The following TASP1 variants were observed in gnomAD, a reference collection of about 807,000 sequenced individuals.
TASP1 encodes the protein taspase 1.
TASP1 carries 16 observed loss-of-function variants against 56.6 expected under a neutral mutation model. The ratio of observed to expected loss-of-function variants is 0.28; its 90% confidence interval spans 0.19 to 0.43. The LOEUF (loss-of-function observed/expected upper bound fraction) is 0.43. Among genes scored for constraint, TASP1 ranks in the 20% least tolerant of loss-of-function variants. The probability of loss-of-function intolerance (pLI) is 1.00; values close to 1 mark genes in which losing one functional copy is unlikely to be tolerated. For synonymous variants in TASP1, 179 were observed against 184.2 expected, an observed-to-expected ratio of 0.97 and a Z score of 0.23; for missense variants, 393 against 511.6, an observed-to-expected ratio of 0.77 and a Z score of 2.24.
rs2048854387 is a variant in TASP1 at position 13,625,396 on chromosome 20, C to T, written c.146-144G>A. 7.3e-6 allele frequency: 4 copies of T among 549,720 alleles called. No homozygotes were observed. The South Asian group carries it at 1.2e-4, about 17-fold the overall frequency. The allele number at this position is 549,720 out of a possible 1,614,324, so 34.1% of individuals were successfully genotyped here. On this transcript the variant is annotated intron_variant, in intron 2 of 13. Transcript: ENST00000337743. ...CTGTATGGCGTTTTATGACTTCTTA[C>T]TCCAGTGTAAGCCTTTTTAATACCA... is the stretch of plus-strand genomic sequence containing the variant.
At chr20:13,572,096 G>T (rs1409206303) in intron 6 of TASP1, among the ~76,000 whole-genome samples, 1 of 152,086 alleles carries the variant, frequency 6.6e-6, no homozygotes, top group Non-Finnish European at 1.5e-5. Context: ...TTTACACATT[G>T]TATCTGTTAG....
At chr20:13,185,174 G>A in the TASP1 span, among the ~76,000 whole-genome samples, 1 of 152,042 alleles carries the variant, frequency 6.6e-6, no homozygotes, top group African/African-American at 2.4e-5. Flanking sequence ...AAAATGCAGA[G>A]TAAATCCATA....
chr20:13,512,963 C>G (rs1478717613), intron 10 of TASP1, among the ~76,000 whole-genome samples: 3 of 152,086 alleles, frequency 2.0e-5, no homozygotes, highest in Admixed American at 2.0e-4. Context: ...TGGTCTATAT[C>G]TCTGTTTTGG....
At chr20:13,336,757 T>C in the TASP1 span, among the ~76,000 whole-genome samples, 1 of 152,144 alleles carries the variant, frequency 6.6e-6, no homozygotes, top group Non-Finnish European at 1.5e-5. Context: ...GATTTTTTTT[T>C]TGTATCTCAA....
intron 10 of TASP1, among the ~76,000 whole-genome samples, chr20:13,524,843 T>G (rs1348800392): frequency 6.6e-6 from 1 of 152,166 alleles, no homozygotes; most frequent in East Asian, 1.9e-4. Context: ...TTCAGTTACG[T>G]GCCGTGTTGG....
chr20:13,536,517 T>C lies in TASP1; in HGVS notation c.676-2376A>G, dbSNP rs558701537. Among the ~76,000 whole-genome samples, 9 of 152,294 alleles carry C rather than the reference T, an allele frequency of 5.9e-5. No homozygotes were observed. In the South Asian group the frequency reaches 1.7e-3, roughly 28 times the overall value. The stretch of plus-strand genomic sequence containing the variant: ...ACAAATCTCACACAAATAAACAAAC[T>C]GTAAAATAACTTTCCTCAACAATAA... On this transcript the variant is annotated intron_variant, in intron 8 of 13. Transcript: ENST00000337743.
intron 8 of TASP1, among the ~76,000 whole-genome samples, chr20:13,546,245 G>A (rs2045805849): frequency 6.8e-6 from 1 of 146,856 alleles, no homozygotes; most frequent in Non-Finnish European, 1.5e-5. Flanking sequence ...CATGACTTCT[G>A]GTGGAAAAAA....
chr20:13,397,470 G>A (rs6079042), intron 13 of TASP1, among the ~76,000 whole-genome samples: 78,925 of 151,898 alleles, frequency 0.52, 22,568 homozygotes, highest in Non-Finnish European at 0.64. Flanking sequence ...TATGGTCAGA[G>A]AGGAAGTGGA....
intron 2 of TASP1, among the ~76,000 whole-genome samples, chr20:13,629,661 C>G (rs2049018050): frequency 1.3e-5 from 2 of 152,002 alleles, no homozygotes; most frequent in African/African-American, 4.8e-5. Context: ...GGTTTTAATA[C>G]TACCTAACCT....
the TASP1 span, among the ~76,000 whole-genome samples, chr20:13,314,339 A>G: frequency 9.9e-5 from 15 of 151,948 alleles, no homozygotes; most frequent in Admixed American, 2.0e-4. Flanking sequence ...TGATTTTTAA[A>G]CTACAGAAAA....
intron 10 of TASP1, among the ~76,000 whole-genome samples, chr20:13,507,403 C>T (rs956783594): frequency 1.3e-5 from 2 of 151,954 alleles, no homozygotes; most frequent in Non-Finnish European, 1.5e-5. Flanking sequence ...CATGGTGGCA[C>T]GTGTCCGTAG....
chr20:13,470,637 C>T (rs988435159), intron 11 of TASP1, among the ~76,000 whole-genome samples: 3 of 152,096 alleles, frequency 2.0e-5, no homozygotes, highest in African/African-American at 7.2e-5. Context: ...GATAAAAATG[C>T]AAGGTATACA....
chr20:13,463,885 T>C (rs988303656), intron 11 of TASP1, among the ~76,000 whole-genome samples: 2 of 151,822 alleles, frequency 1.3e-5, no homozygotes, highest in African/African-American at 4.8e-5. Flanking sequence ...TGTAAAGAAA[T>C]GGGAAGGCAC....
rs572463380 is a variant in TASP1 at position 13,598,522 on chromosome 20, A to T, written c.283-11152T>A. Among the ~76,000 whole-genome samples, 4 of 152,348 alleles carry T rather than the reference A, an allele frequency of 2.6e-5. No individual in the cohort carries two copies. The East Asian group carries it at 7.7e-4, about 29-fold the overall frequency. ...TGGATCCCTTCCTTACACCTTATAT[A>T]AAAATTAATTCAAGATGGATTAAAG... On this transcript the variant is annotated intron_variant, in intron 4 of 13. Coordinates refer to ENST00000337743, the MANE Select transcript of TASP1 (RefSeq NM_017714.3).
the TASP1 span, among the ~76,000 whole-genome samples, chr20:13,352,447 CAAAA>C: frequency 1.2e-5 from 1 of 85,362 alleles, no homozygotes. Context: ...AAGACTGTCT[CAAAA>C]AAAAAAAAAA....
the TASP1 span, among the ~76,000 whole-genome samples, chr20:13,240,212 C>G: frequency 6.6e-6 from 1 of 152,216 alleles, no homozygotes; most frequent in South Asian, 2.1e-4. Flanking sequence ...ACTGGAGATT[C>G]AATAGAGAAC....
chr20:13,249,104 G>T, the TASP1 span, among the ~76,000 whole-genome samples: 1 of 152,110 alleles, frequency 6.6e-6, no homozygotes, highest in Non-Finnish European at 1.5e-5. Context: ...ACTCATTGTT[G>T]GGTGGAATTT....
At chr20:13,446,987 C>G (rs1423599145) in intron 11 of TASP1, among the ~76,000 whole-genome samples, 1 of 152,024 alleles carries the variant, frequency 6.6e-6, no homozygotes, top group Non-Finnish European at 1.5e-5. Flanking sequence ...GCAAGTAATG[C>G]CACAGTGAAC....
At chr20:13,339,590 CT>C in the TASP1 span, among the ~76,000 whole-genome samples, 1 of 152,190 alleles carries the variant, frequency 6.6e-6, no homozygotes, top group African/African-American at 2.4e-5. Context: ...TTCTACATGT[CT>C]GGGGGCTTTG....
Sources: allele counts gnomAD v4.1 joint callset (sites outside exome capture counted in the v4.1 genomes callset), GRCh38; gene constraint gnomAD v4.1.1; transcripts MANE v1.5; gene names NCBI Gene and HGNC (gene_info 2026-07-23, HGNC 2026-07-21).